Variants in BIRC6 observed in about 807,000 individuals in gnomAD.
The protein encoded by BIRC6 is dual E2 ubiquitin-conjugating enzyme/E3 ubiquitin-protein ligase BIRC6.
In BIRC6, 98 loss-of-function variants were observed where a neutral mutation model predicts 503.3. The observed-to-expected ratio is 0.19, with a 90% CI of 0.17 to 0.23. The LOEUF is 0.23. BIRC6 is among the 10% of genes least tolerant of loss of function. BIRC6 has a pLI of 1.00. For synonymous variants in BIRC6, 2,240 were observed against 2,078.7 expected (o/e 1.08, Z -2.11); for missense variants, 5,360 against 5,806.0 (o/e 0.92, Z 2.50).
chr2:32,540,437 G>T (rs747845152), intron 61 of BIRC6, among the ~76,000 whole-genome samples: 4 of 151,882 alleles, frequency 2.6e-5, no homozygotes, highest in Non-Finnish European at 5.9e-5. Flanking sequence ...AAGTGAGCAC[G>T]TCCTTATTAG....
intron 65 of BIRC6, among the ~76,000 whole-genome samples, chr2:32,553,281 A>T (rs62136329): frequency 1 from 148,522 of 148,522 alleles, 74,261 homozygotes; most frequent in Non-Finnish European, 1. Flanking sequence ...GTTTCTAGCA[A>T]AAGATTTTTG....
chr2:32,399,179 A>G lies in BIRC6; in HGVS notation c.1035-1984A>G, dbSNP rs1354738326. ...TGGTTCACTGCAACCCTTGCCTCCC[A>G]GGTTCAAGAGAGTCTCGTGCCTCAG... On this transcript the variant is annotated intron_variant, in intron 6 of 73. Coordinates refer to ENST00000421745, the MANE Select transcript of BIRC6 (RefSeq NM_016252.4). 3.3e-5 allele frequency among the ~76,000 whole-genome samples: 5 copies of G among 151,984 alleles called. No homozygotes were observed. In the East Asian group the frequency reaches 9.6e-4, roughly 29 times the overall value.
rs1258256150 is a variant in BIRC6 at position 32,521,531 on chromosome 2, C to T, written c.11623+2585C>T. 6.6e-5 allele frequency among the ~76,000 whole-genome samples: 10 copies of T among 151,730 alleles called. 1 individual carries two copies. The highest frequency in any genetic ancestry group is 2.1e-4 in the South Asian group (1 of 4,826). The stretch of plus-strand genomic sequence containing the variant: ...CTGTCCCCCAGGCTGTGCAGTGGCG[C>T]GATCTCGGCTCACTGCAACCTCTGC... On this transcript the variant is annotated intron_variant, in intron 57 of 73. Transcript: ENST00000421745.
At chr2:32,519,461 A>G (rs945453091) in intron 57 of BIRC6, among the ~76,000 whole-genome samples, 1 of 152,114 alleles carries the variant, frequency 6.6e-6, no homozygotes, top group Non-Finnish European at 1.5e-5. Flanking sequence ...AACATATGGG[A>G]TAGTTTTTTA....
chr2:32,423,409 C>T (rs2043145000), intron 10 of BIRC6, among the ~76,000 whole-genome samples: 2 of 152,252 alleles, frequency 1.3e-5, no homozygotes, highest in East Asian at 3.9e-4. Flanking sequence ...ATTTCCAGAA[C>T]TTTCCCATCA....
intron 1 of BIRC6, among the ~76,000 whole-genome samples, chr2:32,374,334 C>T (rs1484728473): frequency 6.6e-6 from 1 of 152,018 alleles, no homozygotes; most frequent in Non-Finnish European, 1.5e-5. Flanking sequence ...TTTTCAAATA[C>T]ATTTCAGTCA....
At chr2:32,572,471 A>G (rs1372053065) in intron 65 of BIRC6, among the ~76,000 whole-genome samples, 1 of 152,206 alleles carries the variant, frequency 6.6e-6, no homozygotes, top group Admixed American at 6.5e-5. Context: ...TTATTGAGTC[A>G]TAGAATATAG....
chr2:32,613,227 C>A (rs1468767869), intron 73 of BIRC6, among the ~76,000 whole-genome samples: 1 of 151,958 alleles, frequency 6.6e-6, no homozygotes, highest in East Asian at 1.9e-4. Context: ...GAGACACTGT[C>A]TCTCTCTGCC....
intron 47 of BIRC6, 46 bp from the exon 48 acceptor site, chr2:32,502,749 T>A: frequency 1.4e-6 from 2 of 1,434,740 alleles, no homozygotes; most frequent in Middle Eastern, 1.8e-4. Flanking sequence ...TTAGTTCTTA[T>A]TCACAGGAAT....
intron 37 of BIRC6, among the ~76,000 whole-genome samples, chr2:32,480,080 A>T (rs908099101): frequency 1.3e-5 from 2 of 152,012 alleles, no homozygotes; most frequent in Non-Finnish European, 2.9e-5. Context: ...ACTAATCTGT[A>T]TATGTCAGAT....
chr2:32,612,528 T>G (rs574834370), intron 73 of BIRC6, among the ~76,000 whole-genome samples: 24 of 152,216 alleles, frequency 1.6e-4, no homozygotes, highest in African/African-American at 5.8e-4. Context: ...AAAGCTGTCT[T>G]CACTTCAAAC....
chr2:32,552,587 T>C (rs981354796), intron 65 of BIRC6, among the ~76,000 whole-genome samples: 4 of 152,188 alleles, frequency 2.6e-5, no homozygotes, highest in African/African-American at 9.7e-5. Context: ...TTTCCATTAC[T>C]AACTTGTCAC....
At chr2:32,460,245 G>GATATATATATATATATATAT (rs1269564471) in intron 23 of BIRC6, among the ~76,000 whole-genome samples, 2 of 30,984 alleles carry the variant, frequency 6.5e-5, no homozygotes, top group East Asian at 1.1e-3. Context: ...TCTCGTATAT[G>GATATATATATATATATATAT]ATATATATAT....
intron 6 of BIRC6, among the ~76,000 whole-genome samples, chr2:32,397,769 G>C (rs1453543494): frequency 1.3e-5 from 2 of 151,588 alleles, no homozygotes; most frequent in Non-Finnish European, 2.9e-5. Context: ...TCCTCAAAAA[G>C]TTATTTAACC....
intron 63 of BIRC6, 136 bp downstream of exon 63, chr2:32,545,996 A>G: frequency 1.2e-6 from 1 of 817,922 alleles, no homozygotes; most frequent in Admixed American, 2.9e-5. Flanking sequence ...TATTTAAAAC[A>G]GAAATTGTAA....
chr2:32,551,825 T>C (rs1447483440), intron 65 of BIRC6, among the ~76,000 whole-genome samples: 1 of 152,222 alleles, frequency 6.6e-6, no homozygotes, highest in Non-Finnish European at 1.5e-5. Context: ...AGCCTATCTT[T>C]ATCTTTCATA....
Position 32,463,400 on chromosome 2 carries a change from C to G in BIRC6, c.4941+19C>G, listed in dbSNP as rs759630693. ...GCAACAGGTTGGAGACTATTTGGCT[C>G]TTTGTTCATGCTGTCTCTAAACTTC... On this transcript the variant is annotated intron_variant, in intron 24 of 73. Transcript: ENST00000421745. 5 of 1,577,164 alleles carry G rather than the reference C, an allele frequency of 3.2e-6. No homozygotes were observed. The highest frequency in any genetic ancestry group is 4.6e-5 in the East Asian group (2 of 43,734).
At chr2:32,369,940 AAAAAAAT>A (rs1297486287) in intron 1 of BIRC6, among the ~76,000 whole-genome samples, 6 of 50,194 alleles carry the variant, frequency 1.2e-4, no homozygotes, top group African/African-American at 5.4e-4. Context: ...AAAAAAAAAA[AAAAAAAT>A]ATATATATAT....
intron 13 of BIRC6, among the ~76,000 whole-genome samples, chr2:32,434,883 G>C (rs2044528926): frequency 6.6e-6 from 1 of 152,036 alleles, no homozygotes; most frequent in Admixed American, 6.6e-5. Context: ...GTATTTGCAT[G>C]GCATTCACAT....
Sources: gnomAD v4.1 joint callset for allele counts (sites outside exome capture counted in the v4.1 genomes callset) on GRCh38, gnomAD v4.1.1 for gene constraint, MANE v1.5 for transcripts, NCBI Gene and HGNC (gene_info 2026-07-23, HGNC 2026-07-21) for gene names.